Variants in KHDRBS3 observed in about 807,000 individuals in gnomAD.
KHDRBS3 encodes KH domain-containing, RNA-binding, signal transduction-associated protein 3.
In KHDRBS3, 23 loss-of-function variants were observed where a neutral mutation model predicts 45.6. That is an observed-to-expected ratio of 0.50 (90% CI 0.36 to 0.72). The LOEUF is 0.72. Ranked by LOEUF, KHDRBS3 falls within the 30% of genes least tolerant of loss-of-function variation. The pLI, the probability that KHDRBS3 is intolerant of heterozygous loss-of-function variation, is 0.00. For synonymous variants in KHDRBS3, 162 were observed against 156.5 expected (o/e 1.04, Z -0.26); for missense variants, 352 against 424.8 (o/e 0.83, Z 1.51).
intron 7 of KHDRBS3, among the ~76,000 whole-genome samples, chr8:135,637,995 T>C (rs1250607258): frequency 6.6e-6 from 1 of 152,046 alleles, no homozygotes; most frequent in East Asian, 1.9e-4. Context: ...AGAAACAAGT[T>C]TTGAAAGATT....
chr8:135,640,529 A>G (rs578254031), intron 7 of KHDRBS3, among the ~76,000 whole-genome samples: 1 of 152,130 alleles, frequency 6.6e-6, no homozygotes, highest in South Asian at 2.1e-4. Flanking sequence ...CAGGAGAGGG[A>G]CAGAGGGACA....
chr8:135,475,322 G>A (rs924348990), intron 1 of KHDRBS3, among the ~76,000 whole-genome samples: 2 of 151,996 alleles, frequency 1.3e-5, no homozygotes, highest in African/African-American at 4.8e-5. Context: ...GTTTTGTTTT[G>A]GTTTTTGAGA....
At chr8:135,598,239 G>A (rs1829056208) in intron 6 of KHDRBS3, among the ~76,000 whole-genome samples, 1 of 152,210 alleles carries the variant, frequency 6.6e-6, no homozygotes, top group Non-Finnish European at 1.5e-5. Flanking sequence ...CTGACAGCTT[G>A]AGAGTGTTAA....
chr8:135,558,821 C>T (rs1054974953), intron 5 of KHDRBS3, among the ~76,000 whole-genome samples: 4 of 151,776 alleles, frequency 2.6e-5, no homozygotes, highest in African/African-American at 4.8e-5. Flanking sequence ...ATTCTCTGAT[C>T]GTTATGGAGG....
At chr8:135,591,862 G>T (rs895730993) in intron 6 of KHDRBS3, among the ~76,000 whole-genome samples, 1 of 152,152 alleles carries the variant, frequency 6.6e-6, no homozygotes, top group Admixed American at 6.5e-5. Flanking sequence ...TTTCCCCAAT[G>T]CAGTGACTAC....
At chr8:135,491,325 A>T (rs1003941927) in intron 1 of KHDRBS3, among the ~76,000 whole-genome samples, 1 of 151,986 alleles carries the variant, frequency 6.6e-6, no homozygotes, top group Non-Finnish European at 1.5e-5. Flanking sequence ...TGTATGTGGC[A>T]CTTTACTTCT....
chr8:135,626,203 T>C (rs927652934), intron 7 of KHDRBS3, among the ~76,000 whole-genome samples: 1 of 152,232 alleles, frequency 6.6e-6, no homozygotes, highest in Non-Finnish European at 1.5e-5. Flanking sequence ...TATGAAAGAT[T>C]TTTTTTAAAC....
Position 135,597,863 on chromosome 8 carries a change from A to T in KHDRBS3, c.808-9092A>T, listed in dbSNP as rs568325168. Among the ~76,000 whole-genome samples, 11 of 152,086 alleles carry T rather than the reference A, an allele frequency of 7.2e-5. No individual in the cohort carries two copies. In the South Asian group the frequency reaches 1.9e-3, roughly 26 times the overall value. On this transcript the variant is annotated intron_variant, in intron 6 of 8. Coordinates refer to ENST00000355849, the MANE Select transcript of KHDRBS3 (RefSeq NM_006558.3). The stretch of plus-strand genomic sequence containing the variant: ...TAATTTCATTTTCTTTAATTTTTTA[A>T]TTTACAGTTAGTTTTCCCTTCACTT...
intron 7 of KHDRBS3, among the ~76,000 whole-genome samples, chr8:135,615,832 A>G (rs1586809095): frequency 6.6e-6 from 1 of 152,284 alleles, no homozygotes; most frequent in Admixed American, 6.5e-5. Flanking sequence ...TGAATGCTGC[A>G]CTGAGCATTT....
chr8:135,459,265 G>A (rs1458457352), intron 1 of KHDRBS3, among the ~76,000 whole-genome samples: 2 of 152,152 alleles, frequency 1.3e-5, no homozygotes, highest in African/African-American at 4.8e-5. Flanking sequence ...GTGGTTGACC[G>A]ATGGTGGAGG....
At chr8:135,530,512 A>G (rs1286567677) in intron 2 of KHDRBS3, among the ~76,000 whole-genome samples, 1 of 152,258 alleles carries the variant, frequency 6.6e-6, no homozygotes, top group Non-Finnish European at 1.5e-5. Flanking sequence ...TTACAGAGAA[A>G]GAAGTCAGGC....
At chr8:135,610,439 T>G (rs1324633654) in intron 7 of KHDRBS3, among the ~76,000 whole-genome samples, 2 of 151,878 alleles carry the variant, frequency 1.3e-5, no homozygotes, top group Admixed American at 1.3e-4. Flanking sequence ...GCATTTATTC[T>G]TTGGTTATTT....
At chr8:135,653,539 A>G (rs1321142151) in intron 4 of KHDRBS3, among the ~76,000 whole-genome samples, 3 of 152,232 alleles carry the variant, frequency 2.0e-5, no homozygotes, top group Non-Finnish European at 2.9e-5. Context: ...CCATAGTGGT[A>G]TGATACTCTT....
chr8:135,601,449 C>A (rs1459583765), intron 6 of KHDRBS3, among the ~76,000 whole-genome samples: 1 of 152,096 alleles, frequency 6.6e-6, no homozygotes, highest in Non-Finnish European at 1.5e-5. Flanking sequence ...TTGAGCTTCA[C>A]CTTGAAAAAT....
At chr8:135,594,664 A>G (rs1292282623) in intron 6 of KHDRBS3, among the ~76,000 whole-genome samples, 1 of 152,238 alleles carries the variant, frequency 6.6e-6, no homozygotes, top group Non-Finnish European at 1.5e-5. Flanking sequence ...TGTATATTGG[A>G]CATTAATATA....
chr8:135,516,008 G>T (rs924063426), intron 1 of KHDRBS3, among the ~76,000 whole-genome samples: 1 of 152,198 alleles, frequency 6.6e-6, no homozygotes, highest in Non-Finnish European at 1.5e-5. Context: ...AACATACCTG[G>T]ATGGTGCAGC....
intron 5 of KHDRBS3, among the ~76,000 whole-genome samples, chr8:135,566,007 C>A (rs2130866163): frequency 6.6e-6 from 1 of 152,230 alleles, no homozygotes; most frequent in South Asian, 2.1e-4. Flanking sequence ...AGAAGTAGAA[C>A]CTTGTGTGTT....
chr8:135,525,457 C>T (rs1825133984), intron 2 of KHDRBS3, among the ~76,000 whole-genome samples: 1 of 152,178 alleles, frequency 6.6e-6, no homozygotes, highest in African/African-American at 2.4e-5. Flanking sequence ...AAATTCACCC[C>T]AGGGTATTTC....
At chr8:135,646,717 C>T (rs1157440695) in intron 8 of KHDRBS3, among the ~76,000 whole-genome samples, 1 of 152,128 alleles carries the variant, frequency 6.6e-6, no homozygotes, top group Non-Finnish European at 1.5e-5. Flanking sequence ...AAATGAGTAA[C>T]CAAAAGGAAA....
Sources: gnomAD v4.1 joint callset for allele counts (sites outside exome capture counted in the v4.1 genomes callset) on GRCh38, gnomAD v4.1.1 for gene constraint, MANE v1.5 for transcripts, NCBI Gene and HGNC (gene_info 2026-07-23, HGNC 2026-07-21) for gene names.